The following CYP27C1 variants were observed in gnomAD, a reference collection of about 807,000 sequenced individuals.
The protein encoded by CYP27C1 is cytochrome P450 27C1.
CYP27C1 carries 29 observed loss-of-function variants against 40.6 expected under a neutral mutation model. The observed-to-expected ratio is 0.71, with a 90% confidence interval of 0.53 to 0.97. CYP27C1 has a LOEUF of 0.97. Among genes scored for constraint, CYP27C1 ranks in the 50% least tolerant of loss-of-function variants. CYP27C1 has a pLI of 0.00. For missense variants in CYP27C1, 390 were observed against 485.8 expected (o/e 0.80, Z 1.85); for synonymous variants, 198 against 186.8 (o/e 1.06, Z -0.49).
In CYP27C1 at chr2:127,203,259, T is replaced by C. The variant is rs573306803; in HGVS notation, c.673+113A>G. The C allele has an allele frequency of 9.3e-6, 11 of 1,187,984 alleles. No homozygotes were observed. In the South Asian group the frequency reaches 1.2e-4, roughly 13 times the overall value. 73.6% of individuals were successfully genotyped at this position (1,187,984 alleles called of 1,614,324 possible). A position where few individuals can be genotyped will look rare whatever the true frequency, so the allele number is the denominator to read the frequency against. Reference sequence around the variant, plus strand: ...GCACCGTGGAGGTGACATGCATGTATGTCCCAGACTTAGCACACTGCCTGG... The same window carrying C: ...GCACCGTGGAGGTGACATGCATGTACGTCCCAGACTTAGCACACTGCCTGG... On this transcript the variant is annotated intron_variant, in intron 3 of 8. Transcript: ENST00000664447.
rs765713486 is a variant in CYP27C1, at chr2:127,187,349, G to C, written c.1536C>G (p.Thr512=). The C allele has an allele frequency of 1.2e-6, 2 of 1,614,090 alleles. No individual in the cohort carries two copies. Among genetic ancestry groups the C allele is most frequent in the East Asian group, 4.5e-5 (2 of 44,880 alleles). Residue 512 remains threonine (T), a synonymous_variant, in exon 9 of 9, where the codon ACC becomes ACG. Transcript: ENST00000664447. ...QHFEIKTSSQ[T]NAVHAKTHGL... is the part of the protein sequence containing the mutation. ...CGTGGGTTTTTGCATGAACAGCATT[G>C]GTCTGAGAAGATGTTTTGATCTCAA...
Position 127,196,586 on chromosome 2 carries a change from AGAT to A in CYP27C1, c.1048-1088_1048-1086del, listed in dbSNP as rs1682910501. Among the ~76,000 whole-genome samples, 1 of 152,090 alleles carries A rather than the reference AGAT, an allele frequency of 6.6e-6. No individual in the cohort carries two copies. Among genetic ancestry groups the A allele is most frequent in the Non-Finnish European group, 1.5e-5 (1 of 68,026 alleles). On this transcript the variant is annotated intron_variant, in intron 5 of 8. Coordinates refer to ENST00000664447, the MANE Select transcript of CYP27C1 (RefSeq NM_001367502.1). This position sits in a 1 kb window ranked among gnomAD's most constrained non-coding sequence, Gnocchi z 4.5. ...AATATTGATATCATTTTCTTGTAGA[AGAT>A]ATCACGTGTTTTAGAGGGCAGCCCT... is the stretch of plus-strand genomic sequence containing the variant.
At chr2:127,207,236 T>A (rs1683246793) in intron 1 of CYP27C1, among the ~76,000 whole-genome samples, 1 of 152,154 alleles carries the variant, frequency 6.6e-6, no homozygotes. Flanking sequence ...GGCTCATGCC[T>A]GTACTCTCTG....
chr2:127,195,565 G>T lies in CYP27C1; in HGVS notation c.1048-64C>A. On this transcript the variant is annotated intron_variant, in intron 5 of 8. Transcript: ENST00000664447. The surrounding 1 kb of genome is among the most constrained non-coding windows in gnomAD (Gnocchi z 6.2). ...TAACACCAGGGACTGAAACAGAGGC[G>T]GTGGCAGGTAGGAAGTCCCCTGGGA... The T allele has an allele frequency of 6.4e-7, 1 of 1,557,610 alleles. No homozygotes were observed. Among genetic ancestry groups the T allele is most frequent in the Non-Finnish European group, 8.8e-7 (1 of 1,142,810 alleles).
intron 2 of CYP27C1, among the ~76,000 whole-genome samples, chr2:127,204,625 G>GAGAAAGAAAGA (rs1683183788): frequency 1.1e-5 from 1 of 94,216 alleles, no homozygotes; most frequent in African/African-American, 4.2e-5. Flanking sequence ...AAGAAAGAAA[G>GAGAAAGAAAGA]AAGACTGCAG....
Position 127,195,195 on chromosome 2 carries a change from A to G in CYP27C1, c.1214+140T>C. 3 of 1,020,894 alleles carry G rather than the reference A, an allele frequency of 2.9e-6. No individual in the cohort carries two copies. Among genetic ancestry groups the G allele is most frequent in the Non-Finnish European group, 4.3e-6 (3 of 693,018 alleles). 63.2% of individuals were successfully genotyped at this position (1,020,894 alleles called of 1,614,324 possible). ...AGAATGGTCTTTCTGCTATTCTGAC[A>G]AGAGCAGAGAAAAAATAACAGTCAC... On this transcript the variant is annotated intron_variant, in intron 6 of 8. Coordinates refer to ENST00000664447, the MANE Select transcript of CYP27C1 (RefSeq NM_001367502.1). The surrounding 1 kb of genome is among the most constrained non-coding windows in gnomAD (Gnocchi z 6.2).
chr2:127,184,066 A>G lies in CYP27C1; in HGVS notation c.*3205T>C, dbSNP rs185910640. The G allele has an allele frequency of 6.6e-6, 1 of 152,330 alleles. No individual in the cohort carries two copies. Among genetic ancestry groups the G allele is most frequent in the Non-Finnish European group, 1.5e-5 (1 of 68,032 alleles). The allele number at this position is 152,330 out of a possible 1,614,324, so 9.4% of individuals were successfully genotyped here. A position where few individuals can be genotyped will look rare whatever the true frequency, so the allele number is the denominator to read the frequency against. ...TCCAAGATGCCATAACATTTCAGCC[A>G]TAAACATTTATATCTTTAAGAGCTA... is the stretch of plus-strand genomic sequence containing the variant. On this transcript the variant is annotated 3_prime_UTR_variant, in exon 9 of 9. Coordinates refer to ENST00000664447, the MANE Select transcript of CYP27C1 (RefSeq NM_001367502.1).
At position 127,209,293 on chromosome 2, in the gene CYP27C1, CAGAA is replaced by C. The variant is rs1206763284; in HGVS notation, c.283-3207_283-3204del. On this transcript the variant is annotated intron_variant, in intron 1 of 8. Transcript: ENST00000664447. This position sits in a 1 kb window ranked among gnomAD's most constrained non-coding sequence, Gnocchi z 4.1. The stretch of plus-strand genomic sequence containing the variant: ...GATTGACTATTGAAAGAAAAACAAA[CAGAA>C]AGCGACAACAACAGCATTGATAACA... 6.6e-6 allele frequency among the ~76,000 whole-genome samples: 1 copy of C among 152,094 alleles called. No homozygotes were observed. Among genetic ancestry groups the C allele is most frequent in the Admixed American group, 6.6e-5 (1 of 15,260 alleles).
intron 1 of CYP27C1, among the ~76,000 whole-genome samples, chr2:127,216,384 T>A (rs1316499409): frequency 1.3e-5 from 2 of 152,248 alleles, no homozygotes; most frequent in South Asian, 4.1e-4. Context: ...TACTGATACA[T>A]GCTACAACAT....
At position 127,195,741 on chromosome 2, in the gene CYP27C1, T is replaced by C. The variant is rs1002511172; in HGVS notation, c.1048-240A>G. 2.0e-5 allele frequency among the ~76,000 whole-genome samples: 3 copies of C among 152,252 alleles called. No homozygotes were observed. Among genetic ancestry groups the C allele is most frequent in the Non-Finnish European group, 4.4e-5 (3 of 68,040 alleles). On this transcript the variant is annotated intron_variant, in intron 5 of 8. Coordinates refer to ENST00000664447, the MANE Select transcript of CYP27C1 (RefSeq NM_001367502.1). This position sits in a 1 kb window ranked among gnomAD's most constrained non-coding sequence, Gnocchi z 6.2. ...CAAGTGACATTGACTCTATGATTCA[T>C]GTGCTCCTGTCATGAAGAGCCACAG...
chr2:127,191,276 C>A (rs1682763753), intron 8 of CYP27C1, among the ~76,000 whole-genome samples: 1 of 152,118 alleles, frequency 6.6e-6, no homozygotes, highest in Non-Finnish European at 1.5e-5. Context: ...CGTGATGCTC[C>A]CTTTCTACAC....
Position 127,195,834 on chromosome 2 carries a change from A to C in CYP27C1, c.1048-333T>G, listed in dbSNP as rs1199768197. 6.6e-6 allele frequency among the ~76,000 whole-genome samples: 1 copy of C among 152,102 alleles called. No individual in the cohort carries two copies. The highest frequency in any genetic ancestry group is 1.5e-5 in the Non-Finnish European group (1 of 68,022). Reference sequence around the variant, plus strand: ...ATGTCAGGGATGCCGTGGAGCCTGGAGGATCTGCTGGGACTTTGTGTGACC... The same window carrying C: ...ATGTCAGGGATGCCGTGGAGCCTGGCGGATCTGCTGGGACTTTGTGTGACC... On this transcript the variant is annotated intron_variant, in intron 5 of 8. Coordinates refer to ENST00000664447, the MANE Select transcript of CYP27C1 (RefSeq NM_001367502.1). The surrounding 1 kb of genome is among the most constrained non-coding windows in gnomAD (Gnocchi z 6.2).
rs1370918370 is a variant in CYP27C1, at chr2:127,186,417, A to G, written c.*854T>C. The G allele has an allele frequency of 8.8e-6, 1 of 113,482 alleles. No individual in the cohort carries two copies. The highest frequency in any genetic ancestry group is 8.6e-5 in the Admixed American group (1 of 11,576). 7.0% of individuals were successfully genotyped at this position (113,482 alleles called of 1,614,324 possible). On this transcript the variant is annotated 3_prime_UTR_variant, in exon 9 of 9. Transcript: ENST00000664447. This position sits in a 1 kb window ranked among gnomAD's most constrained non-coding sequence, Gnocchi z 4.5. Reference sequence around the variant, plus strand: ...TTTATTTTATTTTATTTTATTTTTGAGAAAGGGTCTCACTCTGTCACCCAG... The same window carrying G: ...TTTATTTTATTTTATTTTATTTTTGGGAAAGGGTCTCACTCTGTCACCCAG...
chr2:127,195,241 G>A lies in CYP27C1; in HGVS notation c.1214+94C>T. On this transcript the variant is annotated intron_variant, in intron 6 of 8. Coordinates refer to ENST00000664447, the MANE Select transcript of CYP27C1 (RefSeq NM_001367502.1). The surrounding 1 kb of genome is among the most constrained non-coding windows in gnomAD (Gnocchi z 6.2). ...GTCACGAACATCCTCATCCTGAACA[G>A]GTCAGCCGGGGGGGCATTTGGAGGA... The A allele has an allele frequency of 7.3e-6, 11 of 1,509,188 alleles. No individual in the cohort carries two copies. The highest frequency in any genetic ancestry group is 1.0e-5 in the Non-Finnish European group (11 of 1,098,766). The allele number at this position is 1,509,188 out of a possible 1,614,324, so 93.5% of individuals were successfully genotyped here. A position where few individuals can be genotyped will look rare whatever the true frequency, so the allele number is the denominator to read the frequency against.
intron 2 of CYP27C1, among the ~76,000 whole-genome samples, chr2:127,204,482 AAGAAAGG>A (rs1683142685): frequency 1.3e-5 from 1 of 79,170 alleles, no homozygotes; most frequent in African/African-American, 5.1e-5. Flanking sequence ...GAAAGAAAGA[AAGAAAGG>A]AAGGAAGGAA....
intron 1 of CYP27C1, among the ~76,000 whole-genome samples, chr2:127,211,772 A>G (rs1683343965): frequency 6.6e-6 from 1 of 152,128 alleles, no homozygotes; most frequent in African/African-American, 2.4e-5. Context: ...TAACATCACA[A>G]TTAAAAGAGC....
intron 8 of CYP27C1, among the ~76,000 whole-genome samples, chr2:127,192,156 C>G (rs1213975258): frequency 1.3e-5 from 2 of 152,194 alleles, no homozygotes; most frequent in African/African-American, 4.8e-5. Flanking sequence ...AGTCAAGACA[C>G]CTGGATCCTG....
At chr2:127,198,214 C>CACACAT (rs61409970) in intron 5 of CYP27C1, among the ~76,000 whole-genome samples, 6 of 151,730 alleles carry the variant, frequency 4.0e-5, no homozygotes, top group African/African-American at 9.7e-5. Context: ...CACACACACA[C>CACACAT]GCACTCATCA....
rs1436033594 is a variant in CYP27C1, at chr2:127,185,174, C to T, written c.*2097G>A. The T allele has an allele frequency of 1.3e-5, 2 of 152,242 alleles. No homozygotes were observed. Among genetic ancestry groups the T allele is most frequent in the South Asian group, 2.1e-4 (1 of 4,830 alleles). 9.4% of individuals were successfully genotyped at this position (152,242 alleles called of 1,614,324 possible). On this transcript the variant is annotated 3_prime_UTR_variant, in exon 9 of 9. Transcript: ENST00000664447. This position sits in a 1 kb window ranked among gnomAD's most constrained non-coding sequence, Gnocchi z 4.9. ...CCACATATTTCCTATAAACCAGTAG[C>T]GAACCTAGAAACTTGTCCAGCTGAA...
Sources: gnomAD v4.1 joint callset for allele counts (sites outside exome capture counted in the v4.1 genomes callset) on GRCh38, gnomAD v4.1.1 for gene constraint, Gnocchi (gnomAD v3.1) non-coding constraint, MANE v1.5 for transcripts, NCBI Gene and HGNC (gene_info 2026-07-23, HGNC 2026-07-21) for gene names.